Variants in DIPK1A observed in about 807,000 individuals in gnomAD.
DIPK1A encodes divergent protein kinase domain 1A.
DIPK1A carries 27 observed loss-of-function variants against 40.8 expected under a neutral mutation model. That is an observed-to-expected ratio of 0.66 (90% CI 0.49 to 0.91). The LOEUF (loss-of-function observed/expected upper bound fraction) is 0.91. DIPK1A is among the 40% of genes least tolerant of loss of function. The pLI, the probability that DIPK1A is intolerant of heterozygous loss-of-function variation, is 0.00. For synonymous variants in DIPK1A, 166 were observed against 171.3 expected (o/e 0.97, Z 0.24); for missense variants, 412 against 505.7 (o/e 0.81, Z 1.78).
intron 1 of DIPK1A, among the ~76,000 whole-genome samples, chr1:92,917,025 G>A (rs1476668156): frequency 1.3e-5 from 2 of 152,216 alleles, no homozygotes; most frequent in African/African-American, 4.8e-5. Flanking sequence ...TTTATACACA[G>A]CTGTAATCAG....
At position 92,925,592 on chromosome 1, in the gene DIPK1A, G is replaced by A. The variant is rs916220012; in HGVS notation, c.54+35784C>T. 1.6e-4 allele frequency among the ~76,000 whole-genome samples: 25 copies of A among 151,876 alleles called. 1 individual carries two copies. The highest frequency in any genetic ancestry group is 6.0e-4 in the African/African-American group (25 of 41,338). On this transcript the variant is annotated intron_variant, in intron 1 of 4. Coordinates refer to ENST00000370310, the MANE Select transcript of DIPK1A (RefSeq NM_001006605.5). ...CACTGCAACCTCCACCTCCCAGATT[G>A]AAGCAATTCTCCTGCCTCAGCCTCC...
At chr1:92,895,146 T>G (rs1449885368) in intron 1 of DIPK1A, among the ~76,000 whole-genome samples, 2 of 152,004 alleles carry the variant, frequency 1.3e-5, no homozygotes, top group Non-Finnish European at 2.9e-5. Context: ...CCTCCCTAAC[T>G]TATTTTATGA....
At chr1:92,909,122 A>C (rs1472844423) in intron 1 of DIPK1A, among the ~76,000 whole-genome samples, 1 of 152,228 alleles carries the variant, frequency 6.6e-6, no homozygotes, top group Non-Finnish European at 1.5e-5. Flanking sequence ...AGATGTCAAC[A>C]GTTTGCTACA....
intron 1 of DIPK1A, among the ~76,000 whole-genome samples, chr1:92,945,764 C>T (rs71652513): frequency 0.023 from 3,445 of 152,252 alleles, 70 homozygotes; most frequent in Non-Finnish European, 0.039. Context: ...CCAGAAGAAG[C>T]TCAGTTCACT....
chr1:92,870,415 G>A (rs1332264194), intron 2 of DIPK1A, among the ~76,000 whole-genome samples: 2 of 152,064 alleles, frequency 1.3e-5, no homozygotes, highest in Non-Finnish European at 2.9e-5. Flanking sequence ...TAGCAGAGAC[G>A]GGGTTTCACC....
chr1:92,871,314 C>A (rs991390706), intron 2 of DIPK1A, among the ~76,000 whole-genome samples: 7 of 151,978 alleles, frequency 4.6e-5, no homozygotes, highest in African/African-American at 1.7e-4. Context: ...TACAGGCATG[C>A]ACCACCACGC....
chr1:92,872,066 AATCTTT>A (rs1647891152), intron 2 of DIPK1A, among the ~76,000 whole-genome samples: 1 of 121,044 alleles, frequency 8.3e-6, no homozygotes, highest in African/African-American at 2.9e-5. Flanking sequence ...TTTTTCTTTA[AATCTTT>A]TTTTTTTTTT....
chr1:92,895,050 C>T (rs1024817959), intron 1 of DIPK1A, among the ~76,000 whole-genome samples: 8 of 152,042 alleles, frequency 5.3e-5, no homozygotes, highest in Non-Finnish European at 7.3e-5. Context: ...ACCAGATGGA[C>T]TCACAGCCAA....
At chr1:92,912,574 T>C (rs998777415) in intron 1 of DIPK1A, among the ~76,000 whole-genome samples, 2 of 152,146 alleles carry the variant, frequency 1.3e-5, no homozygotes, top group Admixed American at 6.5e-5. Context: ...ATAAAAAACA[T>C]ATTAGATCAC....
Position 92,961,331 on chromosome 1 carries a change from G to A in DIPK1A, c.54+45C>T, listed in dbSNP as rs546605617. ...TCCTGCGCGGCGCGGCAGGGCACAC[G>A]GCCGGGTGCTCCCGCAGCTGGTGGC... On this transcript the variant is annotated intron_variant, in intron 1 of 4. Coordinates refer to ENST00000370310, the MANE Select transcript of DIPK1A (RefSeq NM_001006605.5). 3.1e-5 allele frequency: 45 copies of A among 1,440,258 alleles called. No individual in the cohort carries two copies. The South Asian group carries it at 4.8e-4, about 15-fold the overall frequency. 89.2% of individuals were successfully genotyped at this position (1,440,258 alleles called of 1,614,324 possible).
chr1:92,837,716 TTA>T (rs1687183905), downstream of DIPK1A: 3 of 1,106,198 alleles, frequency 2.7e-6, no homozygotes, highest in Admixed American at 1.9e-5. Flanking sequence ...GGTAACATTC[TTA>T]TATAGGTGTG....
chr1:92,946,298 T>TATATGG (rs1360456121), intron 1 of DIPK1A, among the ~76,000 whole-genome samples: 1 of 152,118 alleles, frequency 6.6e-6, no homozygotes, highest in Non-Finnish European at 1.5e-5. Context: ...AAATTCAACT[T>TATATGG]ATATGGAGAC....
chr1:92,941,330 A>C (rs1424198649), intron 1 of DIPK1A, among the ~76,000 whole-genome samples: 52 of 152,324 alleles, frequency 3.4e-4, no homozygotes, highest in Admixed American at 6.5e-5. Context: ...TGTAGCAATT[A>C]TCTCTCAATT....
At chr1:92,886,849 C>G (rs1300308941) in intron 1 of DIPK1A, among the ~76,000 whole-genome samples, 1 of 151,984 alleles carries the variant, frequency 6.6e-6, no homozygotes, top group Non-Finnish European at 1.5e-5. Context: ...CTTATTGGAA[C>G]ACAGTTACTC....
At chr1:92,875,088 T>C (rs1648055655) in intron 2 of DIPK1A, among the ~76,000 whole-genome samples, 1 of 152,198 alleles carries the variant, frequency 6.6e-6, no homozygotes, top group African/African-American at 2.4e-5. Context: ...CGTGTTTTTG[T>C]ATCCTAACTG....
chr1:92,897,479 G>C (rs1649223300), intron 1 of DIPK1A, among the ~76,000 whole-genome samples: 2 of 152,100 alleles, frequency 1.3e-5, no homozygotes, highest in Admixed American at 6.6e-5. Flanking sequence ...ACACAGGAAG[G>C]GGAACATCAC....
rs563454455 is a variant in DIPK1A at position 92,844,478 on chromosome 1, AC to A, written c.475-284del. ...CCCCTTCAGGCCCCTTAGATAGTTA[AC>A]CAACAATGTAATTATTCCTCATTCA... is the stretch of plus-strand genomic sequence containing the variant. On this transcript the variant is annotated intron_variant, in intron 4 of 4. Transcript: ENST00000370310. 2.0e-3 allele frequency among the ~76,000 whole-genome samples: 307 copies of A among 152,348 alleles called. 1 individual carries two copies. Among genetic ancestry groups the A allele is most frequent in the African/African-American group, 7.1e-3 (297 of 41,590 alleles).
intron 1 of DIPK1A, among the ~76,000 whole-genome samples, chr1:92,940,939 G>A (rs1392999596): frequency 6.6e-6 from 1 of 152,140 alleles, no homozygotes; most frequent in Admixed American, 6.6e-5. Flanking sequence ...GTCTATGCGT[G>A]TCTTTTTCCC....
chr1:92,900,407 T>C (rs1273853521), intron 1 of DIPK1A, among the ~76,000 whole-genome samples: 1 of 152,188 alleles, frequency 6.6e-6, no homozygotes, highest in African/African-American at 2.4e-5. Flanking sequence ...CTCTCTAACA[T>C]ATTTATTTCA....
Sources: allele counts gnomAD v4.1 joint callset (sites outside exome capture counted in the v4.1 genomes callset), GRCh38; gene constraint gnomAD v4.1.1; transcripts MANE v1.5; gene names NCBI Gene and HGNC (gene_info 2026-07-23, HGNC 2026-07-21).